Variants in EXOC6 observed in about 807,000 individuals in gnomAD.
EXOC6 encodes exocyst complex component 6.
In EXOC6, 60 loss-of-function variants were observed where a neutral mutation model predicts 112.5. The ratio of observed to expected loss-of-function variants is 0.53; its 90% CI spans 0.43 to 0.66. The LOEUF (loss-of-function observed/expected upper bound fraction) is 0.66. EXOC6 is among the 30% of genes least tolerant of loss of function. The pLI, the probability that EXOC6 is intolerant of heterozygous loss-of-function variation, is 0.00. For synonymous variants in EXOC6, 295 were observed against 308.0 expected (o/e 0.96, Z 0.44); for missense variants, 855 against 957.1 (o/e 0.89, Z 1.41).
At chr10:92,945,719 A>T (rs1852954779) in intron 13 of EXOC6, among the ~76,000 whole-genome samples, 1 of 151,766 alleles carries the variant, frequency 6.6e-6, no homozygotes, top group Admixed American at 6.6e-5. Context: ...CATCATTTTT[A>T]TTTTTATTTT....
intron 18 of EXOC6, among the ~76,000 whole-genome samples, chr10:92,988,690 T>G (rs774218636): frequency 2.6e-5 from 4 of 152,202 alleles, no homozygotes; most frequent in Non-Finnish European, 5.9e-5. Flanking sequence ...CCGGACACGG[T>G]GGCTCATGCC....
At chr10:92,862,939 A>G (rs1253662606) in intron 1 of EXOC6, among the ~76,000 whole-genome samples, 5 of 152,142 alleles carry the variant, frequency 3.3e-5, no homozygotes, top group African/African-American at 9.7e-5. Flanking sequence ...TTTAGAGTCT[A>G]TTTTGTGAAG....
chr10:93,005,314 C>T (rs1247088993), intron 19 of EXOC6, among the ~76,000 whole-genome samples: 1 of 152,018 alleles, frequency 6.6e-6, no homozygotes, highest in Non-Finnish European at 1.5e-5. Context: ...AAAAATAGCT[C>T]CCTCTGAAAG....
In EXOC6 at chr10:92,893,333, T is replaced by G. The variant is rs747997207; in HGVS notation, c.102-16T>G. 3 of 1,550,930 alleles carry G rather than the reference T, an allele frequency of 1.9e-6. No individual in the cohort carries two copies. In the Admixed American group the frequency reaches 5.9e-5, roughly 31 times the overall value. On this transcript the variant is annotated splice_polypyrimidine_tract_variant and intron_variant, in intron 1 of 21. Coordinates refer to ENST00000260762, the MANE Select transcript of EXOC6 (RefSeq NM_019053.6). ...AATACATTTTGGTTAATTTTAGCTT[T>G]CTTATATACATTCAGGTCTGTGTAT...
intron 1 of EXOC6, among the ~76,000 whole-genome samples, chr10:92,885,499 C>A (rs1258764060): frequency 6.6e-6 from 1 of 151,958 alleles, no homozygotes; most frequent in African/African-American, 2.4e-5. Flanking sequence ...CCTGCCTCAG[C>A]CTCCCAAGTA....
At chr10:92,935,188 A>G (rs887422384) in intron 11 of EXOC6, among the ~76,000 whole-genome samples, 5 of 152,004 alleles carry the variant, frequency 3.3e-5, no homozygotes, top group African/African-American at 1.2e-4. Flanking sequence ...TTGATACACT[A>G]TCCAATGAAC....
intron 12 of EXOC6, among the ~76,000 whole-genome samples, chr10:92,940,448 G>T (rs1256634582): frequency 6.6e-6 from 1 of 151,994 alleles, no homozygotes; most frequent in Non-Finnish European, 1.5e-5. Context: ...CTCCAGCTCT[G>T]ACTTCTAATA....
rs1450591172 is a variant in EXOC6, at chr10:92,954,475, T to A, written c.1527-155T>A. 5.3e-5 allele frequency among the ~76,000 whole-genome samples: 8 copies of A among 152,314 alleles called. No individual in the cohort carries two copies. The East Asian group carries it at 1.5e-3, about 29-fold the overall frequency. ...CCCTTTTGCAAAGTTAAATTGAAGTTTGTGATTTAATAAATATGGGTCTTT... is the reference window on the plus strand; with the variant it reads ...CCCTTTTGCAAAGTTAAATTGAAGTATGTGATTTAATAAATATGGGTCTTT... On this transcript the variant is annotated intron_variant, in intron 15 of 21. Transcript: ENST00000260762.
intron 20 of EXOC6, among the ~76,000 whole-genome samples, chr10:93,034,267 A>G (rs1478014291): frequency 2.0e-5 from 3 of 152,326 alleles, no homozygotes; most frequent in African/African-American, 7.2e-5. Context: ...TGGCATCGCT[A>G]TGCCAGGTTC....
At chr10:93,022,040 G>A (rs758304499) in intron 20 of EXOC6, among the ~76,000 whole-genome samples, 1 of 152,122 alleles carries the variant, frequency 6.6e-6, no homozygotes. Context: ...CTGACCCCAC[G>A]TACTTCCTTC....
intron 14 of EXOC6, among the ~76,000 whole-genome samples, chr10:92,950,055 T>C (rs1853309691): frequency 6.6e-6 from 1 of 152,242 alleles, no homozygotes; most frequent in Admixed American, 6.5e-5. Flanking sequence ...GCATTTCTAA[T>C]ATATGCAGTA....
intron 1 of EXOC6, among the ~76,000 whole-genome samples, chr10:92,872,596 A>G (rs947561698): frequency 1.1e-4 from 16 of 152,024 alleles, no homozygotes; most frequent in African/African-American, 3.6e-4. Flanking sequence ...CCCTTTTATT[A>G]ACTTGTTTCT....
At chr10:92,868,924 C>T (rs1317248855) in intron 1 of EXOC6, among the ~76,000 whole-genome samples, 1 of 151,208 alleles carries the variant, frequency 6.6e-6, no homozygotes, top group Non-Finnish European at 1.5e-5. Context: ...AAGTGATTCT[C>T]CCACCTCAGC....
At chr10:92,833,707 G>T (rs1400930493), upstream of EXOC6, among the ~76,000 whole-genome samples, 1 of 152,120 alleles carries the variant, frequency 6.6e-6, no homozygotes, top group Non-Finnish European at 1.5e-5. Context: ...AAAATAAAAA[G>T]CTTCTTATGG....
chr10:92,906,181 A>G (rs560800384), intron 5 of EXOC6, among the ~76,000 whole-genome samples: 15 of 152,278 alleles, frequency 9.9e-5, no homozygotes, highest in African/African-American at 3.6e-4. Flanking sequence ...ATTAGTGTCA[A>G]TATGGTATAT....
chr10:92,851,928 TGTG>T (rs1847366353), intron 1 of EXOC6, among the ~76,000 whole-genome samples: 1 of 151,852 alleles, frequency 6.6e-6, no homozygotes, highest in African/African-American at 2.4e-5. Flanking sequence ...ATTAGCTAAG[TGTG>T]GTGGTGTGTG....
intron 18 of EXOC6, among the ~76,000 whole-genome samples, chr10:92,977,676 GAC>G (rs10636165): frequency 3.9e-4 from 59 of 150,634 alleles, no homozygotes; most frequent in Middle Eastern, 3.5e-3. Context: ...CGTGCTTGCA[GAC>G]ACACACACAC....
chr10:92,913,643 A>G (rs1356287136), intron 6 of EXOC6, among the ~76,000 whole-genome samples: 1 of 152,232 alleles, frequency 6.6e-6, no homozygotes, highest in Admixed American at 6.5e-5. Context: ...ATCTTCTGCC[A>G]TCACCCATTA....
chr10:93,057,151 C>G (rs1564946175), intron 21 of EXOC6, 115 bp downstream of exon 21: 1 of 561,514 alleles, frequency 1.8e-6, no homozygotes, highest in Non-Finnish European at 3.0e-6. Context: ...AGCTTAAAAG[C>G]TCACTCTAGT....
Sources: allele counts gnomAD v4.1 joint callset (sites outside exome capture counted in the v4.1 genomes callset), GRCh38; gene constraint gnomAD v4.1.1; transcripts MANE v1.5; gene names NCBI Gene and HGNC (gene_info 2026-07-23, HGNC 2026-07-21).